The following PRKRA variants were observed in gnomAD, a reference collection of about 807,000 sequenced individuals.
PRKRA encodes interferon-inducible double-stranded RNA-dependent protein kinase activator A.
In PRKRA, 22 loss-of-function variants were observed where a neutral mutation model predicts 32.4. That is an observed-to-expected ratio of 0.68 (90% CI 0.49 to 0.97). The LOEUF is 0.97. Among genes scored for constraint, PRKRA ranks in the 50% least tolerant of loss-of-function variants. PRKRA has a pLI of 0.00. For missense variants in PRKRA, 319 were observed against 375.6 expected (o/e 0.85, Z 1.25); for synonymous variants, 139 against 129.8 (o/e 1.07, Z -0.48).
At chr2:178,434,041 A>C (rs1575085053) in intron 7 of PRKRA, 1 of 151,718 alleles carries the variant, frequency 6.6e-6, no homozygotes, top group African/African-American at 2.4e-5. Context: ...TCATCTCTGT[A>C]TTCTAAACCC....
intron 3 of PRKRA, among the ~76,000 whole-genome samples, chr2:178,446,854 G>A (rs1333955217): frequency 4.0e-5 from 6 of 151,300 alleles, no homozygotes; most frequent in African/African-American, 9.7e-5. Context: ...TTAGCTGGGC[G>A]TAGTGGCGGG....
Position 178,443,252 on chromosome 2 carries a change from G to T in PRKRA, c.514+15C>A, listed in dbSNP as rs779535964. On this transcript the variant is annotated intron_variant, in intron 5 of 7. Transcript: ENST00000325748. ...GAAAATATTTCAAATGCCTTTAATT[G>T]TAAGAAATAAGTACCAGTTTCCATA... The T allele has an allele frequency of 1.2e-5, 9 of 720,762 alleles. No individual in the cohort carries two copies. The highest frequency in any genetic ancestry group is 1.9e-5 in the South Asian group (1 of 53,118). 44.6% of individuals were successfully genotyped at this position (720,762 alleles called of 1,614,324 possible). A position where few individuals can be genotyped will look rare whatever the true frequency, so the allele number is the denominator to read the frequency against.
At chr2:178,440,736 G>A (rs959979820) in intron 6 of PRKRA, among the ~76,000 whole-genome samples, 26 of 152,028 alleles carry the variant, frequency 1.7e-4, no homozygotes, top group South Asian at 4.1e-4. Flanking sequence ...CAGCACTCTC[G>A]CAGGTCTCTT....
intron 4 of PRKRA, 90 bp from the exon 5 acceptor site, chr2:178,443,474 A>G: frequency 1.6e-6 from 1 of 632,792 alleles, no homozygotes; most frequent in South Asian, 1.8e-5. Flanking sequence ...ATTTCTATGT[A>G]TATGTTTGAA....
intron 6 of PRKRA, chr2:178,438,995 GT>G (rs1697015586): frequency 6.6e-6 from 1 of 152,138 alleles, no homozygotes; most frequent in Admixed American, 6.5e-5. Flanking sequence ...ACGCTGGTAG[GT>G]TTTGAGTGAG....
At chr2:178,436,643 C>G (rs953664305) in intron 6 of PRKRA, among the ~76,000 whole-genome samples, 2 of 151,878 alleles carry the variant, frequency 1.3e-5, no homozygotes, top group African/African-American at 4.8e-5. Context: ...TAAGTAAATC[C>G]ACAAATAATT....
intron 2 of PRKRA, among the ~76,000 whole-genome samples, chr2:178,448,492 A>C (rs1288253199): frequency 6.6e-6 from 1 of 152,186 alleles, no homozygotes; most frequent in African/African-American, 2.4e-5. Context: ...GGAATGGGAT[A>C]TGTTACAACA....
intron 7 of PRKRA, 96 bp downstream of exon 7, chr2:178,436,049 G>T: frequency 1.2e-6 from 1 of 845,160 alleles, no homozygotes; most frequent in African/African-American, 1.9e-5. Flanking sequence ...AAAATAAATT[G>T]TAATAGAAAT....
chr2:178,439,191 T>C (rs1020100819), intron 6 of PRKRA: 2 of 152,204 alleles, frequency 1.3e-5, no homozygotes, highest in Non-Finnish European at 2.9e-5. Flanking sequence ...CTGACTTTTT[T>C]CTAGTATATT....
intron 3 of PRKRA, 88 bp downstream of exon 3, chr2:178,447,417 T>C (rs796848732): frequency 2.3e-5 from 31 of 1,344,176 alleles, no homozygotes; most frequent in African/African-American, 2.1e-4. Context: ...ACTGTTCACT[T>C]TGTTGCTTTT....
intron 6 of PRKRA, chr2:178,439,051 CTT>C (rs1697017798): frequency 6.6e-6 from 1 of 152,152 alleles, no homozygotes; most frequent in Non-Finnish European, 1.5e-5. Flanking sequence ...CTGCTCTATT[CTT>C]TAGTAGACTT....
chr2:178,447,279 A>C (rs926801700), intron 3 of PRKRA: 14 of 652,204 alleles, frequency 2.1e-5, no homozygotes, highest in African/African-American at 3.7e-5. Context: ...AAAAAAAAAA[A>C]ACAGTAAAGC....
chr2:178,440,281 T>C (rs1183843371), intron 6 of PRKRA: 1 of 152,214 alleles, frequency 6.6e-6, no homozygotes, highest in Non-Finnish European at 1.5e-5. Context: ...TTCTAAAGAA[T>C]GAGCCCTTAT....
At chr2:178,432,755 GTCT>G (rs928110424) in intron 7 of PRKRA, among the ~76,000 whole-genome samples, 12 of 152,144 alleles carry the variant, frequency 7.9e-5, no homozygotes, top group African/African-American at 2.2e-4. Context: ...CCTCCCTTGT[GTCT>G]TCTATTAAAA....
At chr2:178,450,910 C>A in intron 1 of PRKRA, 56 bp downstream of exon 1, 1 of 1,515,212 alleles carries the variant, frequency 6.6e-7, no homozygotes, top group Non-Finnish European at 8.8e-7. Context: ...TCCCCGCGCC[C>A]CGGCCCTGCC....
Position 178,436,301 on chromosome 2 carries a change from A to C in PRKRA, c.628T>G (p.Ser210Ala). The C allele has an allele frequency of 1.9e-6, 3 of 1,613,878 alleles. No homozygotes were observed. Among genetic ancestry groups the C allele is most frequent in the Non-Finnish European group, 2.5e-6 (3 of 1,179,878 alleles). Reference sequence around the variant, plus strand: ...AAGGAATGCCAAGTACATCCTAAAGAATGTCCTACTACATTTGTCTGAAAA... The same window carrying C: ...AAGGAATGCCAAGTACATCCTAAAGCATGTCCTACTACATTTGTCTGAAAA... ...HISLTNVVGH[S>A]LGCTWHSLRN... is the part of the protein sequence containing the mutation. Residue 210 changes from serine (S) to alanine (A), a missense_variant, in exon 7 of 8, where the codon TCT (serine) becomes GCT (alanine). Physicochemically the swap from Ser to Ala is moderately conservative, Grantham distance 99. Coordinates refer to ENST00000325748, the MANE Select transcript of PRKRA (RefSeq NM_003690.5).
At chr2:178,434,950 C>G (rs1207117136) in intron 7 of PRKRA, among the ~76,000 whole-genome samples, 1 of 150,986 alleles carries the variant, frequency 6.6e-6, no homozygotes, top group Non-Finnish European at 1.5e-5. Flanking sequence ...GTGAAACTCC[C>G]ATCTCTACTA....
At chr2:178,445,639 T>G (rs1241680386) in intron 3 of PRKRA, 1 of 154,530 alleles carries the variant, frequency 6.5e-6, no homozygotes, top group Non-Finnish European at 1.5e-5. Flanking sequence ...ACAAATGTAC[T>G]TAATGGTTGG....
chr2:178,446,917 CG>C (rs1281913870), intron 3 of PRKRA, among the ~76,000 whole-genome samples: 1 of 139,612 alleles, frequency 7.2e-6, no homozygotes, highest in Non-Finnish European at 1.5e-5. Context: ...GGCGTGAACC[CG>C]GGAGGCGGAG....
Sources: allele counts gnomAD v4.1 joint callset (sites outside exome capture counted in the v4.1 genomes callset), GRCh38; gene constraint gnomAD v4.1.1; transcripts MANE v1.5; gene names NCBI Gene and HGNC (gene_info 2026-07-23, HGNC 2026-07-21).